Variants in CNTNAP2 observed in about 807,000 individuals in gnomAD.
CNTNAP2 encodes contactin associated protein 2.
In CNTNAP2, 98 loss-of-function variants were observed where a neutral mutation model predicts 155.2. The observed-to-expected ratio is 0.63, with a 90% confidence interval of 0.54 to 0.75. The LOEUF is 0.75. Among genes scored for constraint, CNTNAP2 ranks in the 30% least tolerant of loss-of-function variants. CNTNAP2 has a pLI of 0.00. For synonymous variants in CNTNAP2, 651 were observed against 631.2 expected (o/e 1.03, Z -0.47); for missense variants, 1,727 against 1,688.1 (o/e 1.02, Z -0.40).
chr7:147,760,066 A>T (rs1584941611), intron 13 of CNTNAP2, among the ~76,000 whole-genome samples: 1 of 152,122 alleles, frequency 6.6e-6, no homozygotes, highest in Non-Finnish European at 1.5e-5. Flanking sequence ...TGGGTTACTA[A>T]ATAAGCCCAA....
intron 1 of CNTNAP2, among the ~76,000 whole-genome samples, chr7:146,662,447 T>C (rs1800109472): frequency 6.6e-6 from 1 of 152,184 alleles, no homozygotes; most frequent in African/African-American, 2.4e-5. Context: ...CAGTTTGTTT[T>C]GTTTTGTTTT....
chr7:147,164,013 T>A (rs1802076002), intron 8 of CNTNAP2, among the ~76,000 whole-genome samples: 3 of 152,204 alleles, frequency 2.0e-5, no homozygotes, highest in Admixed American at 2.0e-4. Flanking sequence ...ACATATTGAC[T>A]TTTTTGGTAG....
intron 3 of CNTNAP2, among the ~76,000 whole-genome samples, chr7:147,020,534 C>T (rs74623512): frequency 0.057 from 8,609 of 152,126 alleles, 319 homozygotes; most frequent in Middle Eastern, 0.13. Context: ...CCACTTAATG[C>T]TGTCATCTGG....
At chr7:146,656,603 A>T (rs1799999186) in intron 1 of CNTNAP2, among the ~76,000 whole-genome samples, 1 of 152,182 alleles carries the variant, frequency 6.6e-6, no homozygotes, top group Admixed American at 6.5e-5. Context: ...GTGGCTTAAC[A>T]GGTGTGCCAA....
chr7:148,253,438 C>CAA (rs1563012962), intron 20 of CNTNAP2, among the ~76,000 whole-genome samples: 2 of 152,150 alleles, frequency 1.3e-5, no homozygotes, highest in African/African-American at 2.4e-5. Context: ...AGTAGATTGT[C>CAA]TTAGAATATT....
intron 9 of CNTNAP2, among the ~76,000 whole-genome samples, chr7:147,375,269 A>G (rs1796415384): frequency 6.7e-6 from 1 of 148,942 alleles, no homozygotes; most frequent in African/African-American, 2.4e-5. Context: ...TGAAATAGAT[A>G]CTATTATTTT....
intron 13 of CNTNAP2, among the ~76,000 whole-genome samples, chr7:147,723,690 C>G (rs900333410): frequency 5.3e-5 from 8 of 151,912 alleles, no homozygotes; most frequent in African/African-American, 1.7e-4. Context: ...TTTCATATCA[C>G]AAGCATTTTG....
At chr7:148,181,221 AT>A (rs2116703846) in intron 18 of CNTNAP2, among the ~76,000 whole-genome samples, 1 of 152,244 alleles carries the variant, frequency 6.6e-6, no homozygotes, top group East Asian at 1.9e-4. Flanking sequence ...AGCCTCCACA[AT>A]TACATGAGCC....
At chr7:148,080,626 A>C (rs1803582408) in intron 15 of CNTNAP2, among the ~76,000 whole-genome samples, 1 of 151,720 alleles carries the variant, frequency 6.6e-6, no homozygotes, top group Non-Finnish European at 1.5e-5. Flanking sequence ...AAAAAAAAGA[A>C]AAGAAAAGAA....
At chr7:146,832,772 T>A (rs978305762) in intron 2 of CNTNAP2, among the ~76,000 whole-genome samples, 9 of 151,994 alleles carry the variant, frequency 5.9e-5, no homozygotes, top group African/African-American at 2.2e-4. Flanking sequence ...CTCAGCTCAC[T>A]GCAACCTCTG....
chr7:147,006,109 A>T (rs1563041034), intron 3 of CNTNAP2, among the ~76,000 whole-genome samples: 1 of 152,082 alleles, frequency 6.6e-6, no homozygotes, highest in Non-Finnish European at 1.5e-5. Context: ...CACCATGCAC[A>T]TGCATGTATA....
At chr7:146,951,047 A>G (rs2129227859) in intron 3 of CNTNAP2, among the ~76,000 whole-genome samples, 1 of 152,276 alleles carries the variant, frequency 6.6e-6, no homozygotes, top group East Asian at 1.9e-4. Context: ...ATGACCAATG[A>G]TTATGAGCTT....
chr7:147,554,050 A>G (rs1203693571), intron 11 of CNTNAP2, among the ~76,000 whole-genome samples: 1 of 152,220 alleles, frequency 6.6e-6, no homozygotes, highest in East Asian at 1.9e-4. Flanking sequence ...CAACCTCTAT[A>G]GGATCTGAGC....
intron 4 of CNTNAP2, among the ~76,000 whole-genome samples, chr7:147,099,486 A>C (rs936142818): frequency 5.9e-5 from 9 of 152,122 alleles, no homozygotes; most frequent in African/African-American, 1.2e-4. Flanking sequence ...CCCACCCTCC[A>C]CAGCTACCAG....
chr7:146,682,606 T>C (rs1377810227), intron 1 of CNTNAP2, among the ~76,000 whole-genome samples: 1 of 152,168 alleles, frequency 6.6e-6, no homozygotes, highest in Admixed American at 6.5e-5. Context: ...GTTCCCTTTT[T>C]CAAGCAGTGC....
At chr7:147,775,977 G>A (rs1043398130) in intron 13 of CNTNAP2, among the ~76,000 whole-genome samples, 2 of 152,276 alleles carry the variant, frequency 1.3e-5, no homozygotes, top group East Asian at 1.9e-4. Flanking sequence ...GCAAAATCAA[G>A]CTCTGTGCAC....
At position 148,135,742 on chromosome 7, in the gene CNTNAP2, G is replaced by A. The variant is rs149890691; in HGVS notation, c.2555-11749G>A. On this transcript the variant is annotated intron_variant, in intron 16 of 23. Transcript: ENST00000361727. ...CAGGTGCGTGTAATCCCAGCTACTC[G>A]GGAGGCTGAGGCAGGAGAATAGTTT... Among the ~76,000 whole-genome samples the A allele has an allele frequency of 4.4e-3, 656 of 150,360 alleles. 5 individuals are homozygous for A. The highest frequency in any genetic ancestry group is 4.1e-3 in the Non-Finnish European group (280 of 67,706).
chr7:146,337,395 A>G (rs999191584), intron 1 of CNTNAP2, among the ~76,000 whole-genome samples: 1 of 152,202 alleles, frequency 6.6e-6, no homozygotes, highest in East Asian at 1.9e-4. Flanking sequence ...ATCAGTAAAT[A>G]GAAAATCAGT....
At chr7:146,700,860 C>T (rs1303725084) in intron 1 of CNTNAP2, among the ~76,000 whole-genome samples, 1 of 151,992 alleles carries the variant, frequency 6.6e-6, no homozygotes, top group Non-Finnish European at 1.5e-5. Flanking sequence ...AGATATAATC[C>T]ATCAAATACT....
Sources: gnomAD v4.1 joint callset for allele counts (sites outside exome capture counted in the v4.1 genomes callset) on GRCh38, gnomAD v4.1.1 for gene constraint, MANE v1.5 for transcripts, NCBI Gene and HGNC (gene_info 2026-07-23, HGNC 2026-07-21) for gene names.